ST18: variants seen among roughly 807,000 people sequenced by gnomAD.
The protein encoded by ST18 is ST18 C2H2C-type zinc finger transcription factor.
In ST18, 50 loss-of-function variants were observed where a neutral mutation model predicts 110.0. The observed-to-expected ratio is 0.45, with a 90% CI of 0.36 to 0.58. ST18 has a LOEUF of 0.58. ST18 is among the 20% of genes least tolerant of loss of function. The pLI is 0.00. For synonymous variants in ST18, 461 were observed against 452.4 expected (o/e 1.02, Z -0.24); for missense variants, 1,306 against 1,280.1 (o/e 1.02, Z -0.31).
intron 2 of ST18, among the ~76,000 whole-genome samples, chr8:52,397,631 A>T (rs1009390676): frequency 1.3e-5 from 2 of 152,124 alleles, no homozygotes; most frequent in Non-Finnish European, 2.9e-5. Context: ...ATTTTTGTAT[A>T]TGGTATAAAA....
intron 2 of ST18, among the ~76,000 whole-genome samples, chr8:52,342,176 A>G (rs1590072544): frequency 6.6e-6 from 1 of 152,238 alleles, no homozygotes; most frequent in East Asian, 1.9e-4. Context: ...CACAATGTAT[A>G]CACATATCAA....
At chr8:52,246,762 C>T (rs1247750803) in intron 2 of ST18, 2 of 152,170 alleles carry the variant, frequency 1.3e-5, no homozygotes, top group Non-Finnish European at 2.9e-5. Flanking sequence ...CTGTCTCAAA[C>T]TGCAAGTGAA....
chr8:52,285,232 C>T (rs997574688), intron 2 of ST18, among the ~76,000 whole-genome samples: 6 of 152,160 alleles, frequency 3.9e-5, no homozygotes, highest in Admixed American at 6.5e-5. Context: ...ATTGCCATAA[C>T]GCTTGATTCT....
chr8:52,274,803 C>T (rs73679025), intron 2 of ST18, among the ~76,000 whole-genome samples: 5,966 of 152,168 alleles, frequency 0.039, 415 homozygotes, highest in African/African-American at 0.14. Flanking sequence ...CTATAAAAAA[C>T]GGTTAATTTC....
chr8:52,352,146 C>A (rs985338274), intron 2 of ST18, among the ~76,000 whole-genome samples: 1 of 152,142 alleles, frequency 6.6e-6, no homozygotes, highest in Non-Finnish European at 1.5e-5. Context: ...ACCTGCCCCC[C>A]ACTTCTTTGT....
At chr8:52,165,298 T>C in intron 11 of ST18, 73 bp from the exon 12 acceptor site, 1 of 1,468,384 alleles carries the variant, frequency 6.8e-7, no homozygotes, top group Non-Finnish European at 9.5e-7. Context: ...CGTGTATCTC[T>C]CAACTTTGCA....
chr8:52,126,588 C>G (rs1206052945), intron 22 of ST18, among the ~76,000 whole-genome samples: 1 of 152,178 alleles, frequency 6.6e-6, no homozygotes, highest in Admixed American at 6.6e-5. Context: ...TGTTCCTTGA[C>G]CTTTATAGAA....
chr8:52,353,709 C>A (rs1821400533), intron 2 of ST18, among the ~76,000 whole-genome samples: 1 of 152,024 alleles, frequency 6.6e-6, no homozygotes, highest in Admixed American at 6.6e-5. Context: ...AAACTGTAAA[C>A]AAATAAGAAA....
At chr8:52,394,632 TGGTGTGGG>T in intron 2 of ST18, among the ~76,000 whole-genome samples, 1 of 152,332 alleles carries the variant, frequency 6.6e-6, no homozygotes, top group African/African-American at 2.4e-5. Flanking sequence ...TCTCTTTAAA[TGGTGTGGG>T]AAGGGAAGTT....
At chr8:52,133,865 G>C (rs1280401829) in intron 19 of ST18, among the ~76,000 whole-genome samples, 1 of 151,910 alleles carries the variant, frequency 6.6e-6, no homozygotes, top group Non-Finnish European at 1.5e-5. Context: ...CGAGTAGCTG[G>C]GATTATAGGC....
chr8:52,369,250 G>T (rs1829326929), intron 2 of ST18, among the ~76,000 whole-genome samples: 1 of 152,120 alleles, frequency 6.6e-6, no homozygotes, highest in Non-Finnish European at 1.5e-5. Context: ...CAGGCAAATG[G>T]TCTCCCAGAC....
chr8:52,198,532 T>C (rs746632968), intron 8 of ST18, among the ~76,000 whole-genome samples: 1 of 152,256 alleles, frequency 6.6e-6, no homozygotes, highest in Non-Finnish European at 1.5e-5. Flanking sequence ...GCATGAATCA[T>C]TTAACAGAAC....
At chr8:52,296,596 G>A (rs1486822523) in intron 2 of ST18, 1 of 152,124 alleles carries the variant, frequency 6.6e-6, no homozygotes, top group Admixed American at 6.5e-5. Context: ...CTCACTTACT[G>A]TAACTCAGCT....
chr8:52,318,955 C>G (rs747604809), intron 2 of ST18, among the ~76,000 whole-genome samples: 21 of 151,850 alleles, frequency 1.4e-4, no homozygotes, highest in African/African-American at 3.1e-4. Context: ...GGGAGAGGAT[C>G]GGGAAGAATA....
intron 13 of ST18, among the ~76,000 whole-genome samples, chr8:52,163,630 C>T (rs543860659): frequency 6.6e-6 from 1 of 152,202 alleles, no homozygotes; most frequent in East Asian, 1.9e-4. Flanking sequence ...GGCATTTTCT[C>T]CAGGCAGAAA....
At chr8:52,406,864 C>T (rs1844702527) in intron 2 of ST18, 1 of 152,158 alleles carries the variant, frequency 6.6e-6, no homozygotes, top group Admixed American at 6.5e-5. Flanking sequence ...TGTCAAAGAT[C>T]TGAAGTTAAC....
intron 2 of ST18, among the ~76,000 whole-genome samples, chr8:52,272,847 G>T (rs1052194936): frequency 1.3e-5 from 2 of 152,164 alleles, no homozygotes; most frequent in African/African-American, 2.4e-5. Flanking sequence ...CTTATGTGAG[G>T]TTGTCTAAAA....
chr8:52,166,447 G>A (rs543935429), intron 11 of ST18, among the ~76,000 whole-genome samples: 1 of 152,142 alleles, frequency 6.6e-6, no homozygotes, highest in Admixed American at 6.5e-5. Context: ...CTATGCCCTC[G>A]AGCCTGCTGA....
At chr8:52,195,378 T>C (rs2075874477) in intron 8 of ST18, among the ~76,000 whole-genome samples, 1 of 152,104 alleles carries the variant, frequency 6.6e-6, no homozygotes, top group Non-Finnish European at 1.5e-5. Context: ...AAATACTTTC[T>C]TTTGAGTATA....
Sources: gnomAD v4.1 joint callset for allele counts (sites outside exome capture counted in the v4.1 genomes callset) on GRCh38, gnomAD v4.1.1 for gene constraint, MANE v1.5 for transcripts, NCBI Gene and HGNC (gene_info 2026-07-23, HGNC 2026-07-21) for gene names.